CSMD2: variants seen among roughly 807,000 people sequenced by gnomAD.
CSMD2 encodes CUB and sushi domain-containing protein 2.
Under a neutral mutation model 398.5 loss-of-function variants are expected in CSMD2, and 130 were observed. The ratio of observed to expected loss-of-function variants is 0.33; its 90% CI spans 0.28 to 0.38. The LOEUF (loss-of-function observed/expected upper bound fraction) is 0.38. Ranked by LOEUF, CSMD2 falls within the 10% of genes least tolerant of loss-of-function variation. CSMD2 has a pLI of 1.00. For synonymous variants in CSMD2, 1,828 were observed against 1,908.5 expected, an observed-to-expected ratio of 0.96 and a Z score of 1.10; for missense variants, 3,829 against 4,764.9, an observed-to-expected ratio of 0.80 and a Z score of 5.78.
At chr1:33,993,016 T>C (rs1463168151) in intron 3 of CSMD2, among the ~76,000 whole-genome samples, 1 of 152,258 alleles carries the variant, frequency 6.6e-6, no homozygotes, top group Non-Finnish European at 1.5e-5. Flanking sequence ...ACATCTTGTA[T>C]TGTCCCACTT....
At chr1:33,898,856 A>G (rs1173188730) in intron 5 of CSMD2, among the ~76,000 whole-genome samples, 1 of 152,206 alleles carries the variant, frequency 6.6e-6, no homozygotes, top group African/African-American at 2.4e-5. Flanking sequence ...CCTGAAGGAC[A>G]CTTGCCCTCA....
At chr1:33,597,033 A>G (rs1401880023) in intron 44 of CSMD2, among the ~76,000 whole-genome samples, 1 of 151,530 alleles carries the variant, frequency 6.6e-6, no homozygotes, top group African/African-American at 2.4e-5. Context: ...ATTTATTTCT[A>G]TTACTTCTAG....
intron 56 of CSMD2, among the ~76,000 whole-genome samples, chr1:33,547,530 A>T (rs768271946): frequency 1.1e-4 from 16 of 152,220 alleles, no homozygotes; most frequent in Non-Finnish European, 1.5e-4. Context: ...GTACCCCACC[A>T]CTTGCCATTT....
intron 29 of CSMD2, among the ~76,000 whole-genome samples, chr1:33,646,101 A>C (rs1643411186): frequency 6.6e-6 from 1 of 152,220 alleles, no homozygotes; most frequent in Non-Finnish European, 1.5e-5. Context: ...TGGAAGGATG[A>C]GCAAATGTGA....
intron 4 of CSMD2, among the ~76,000 whole-genome samples, chr1:33,919,651 G>T (rs546829260): frequency 6.6e-6 from 1 of 152,312 alleles, no homozygotes; most frequent in South Asian, 2.1e-4. Context: ...GCACTACAAT[G>T]TGAAAAGCTT....
intron 44 of CSMD2, chr1:33,600,341 G>A: frequency 5.1e-6 from 3 of 584,932 alleles, no homozygotes; most frequent in South Asian, 2.3e-5. Flanking sequence ...ATAAAAATGA[G>A]GAAATATCCA....
chr1:33,584,007 T>C (rs1381160201), intron 46 of CSMD2, among the ~76,000 whole-genome samples, 177 bp from the exon 47 acceptor site: 2 of 152,222 alleles, frequency 1.3e-5, no homozygotes, highest in Non-Finnish European at 2.9e-5. Flanking sequence ...GCTTAGATCC[T>C]GTGTCAATAT....
chr1:34,143,755 T>C (rs1182952247), intron 1 of CSMD2, among the ~76,000 whole-genome samples: 1 of 152,224 alleles, frequency 6.6e-6, no homozygotes, highest in Non-Finnish European at 1.5e-5. Context: ...TACTAGTAAC[T>C]GTCTCTGTCA....
rs773427917 is a variant in CSMD2, at chr1:34,032,691, C to T, written c.420G>A (p.Gln140=). Residue 140 remains glutamine, a synonymous_variant, in exon 3 of 71, where the codon CAG becomes CAA. Coordinates refer to ENST00000373381, the MANE Select transcript of CSMD2 (RefSeq NM_001281956.2). ...ENLRTRLTGF[Q]LPATIVSAAT... is the part of the protein sequence containing the mutation. ...CTGCACTAACAATGGTGGCTGGCAG[C>T]TGAAAGCCTGTGAGCCTGAAAGACA... 2.5e-5 allele frequency: 40 copies of T among 1,591,732 alleles called. No individual in the cohort carries two copies. The Middle Eastern group carries it at 2.5e-3, about 99-fold the overall frequency.
intron 5 of CSMD2, among the ~76,000 whole-genome samples, chr1:33,911,371 G>T (rs1262542661): frequency 6.6e-6 from 1 of 152,188 alleles, no homozygotes; most frequent in Non-Finnish European, 1.5e-5. Flanking sequence ...TCTTAAATGA[G>T]ATATCTAGTT....
At chr1:34,089,318 C>A (rs1309361997) in intron 1 of CSMD2, 125 bp from the exon 2 acceptor site, 4 of 868,748 alleles carry the variant, frequency 4.6e-6, no homozygotes, top group Non-Finnish European at 7.3e-6. Context: ...TGAGCCAGCC[C>A]TGTACTTGGC....
At chr1:33,944,621 G>T (rs528577802) in intron 3 of CSMD2, among the ~76,000 whole-genome samples, 1 of 152,336 alleles carries the variant, frequency 6.6e-6, no homozygotes, top group African/African-American at 2.4e-5. Context: ...GCTAGTAGGA[G>T]TAGTGAAAGT....
intron 2 of CSMD2, among the ~76,000 whole-genome samples, chr1:34,087,611 G>GTAT (rs1331585674): frequency 5.3e-5 from 5 of 95,056 alleles, no homozygotes; most frequent in African/African-American, 1.7e-4. Context: ...AGAACTTAAA[G>GTAT]TATAATAATA....
chr1:33,703,151 TAAAC>T (rs1645666472), intron 22 of CSMD2, among the ~76,000 whole-genome samples: 3 of 152,160 alleles, frequency 2.0e-5, no homozygotes, highest in Non-Finnish European at 4.4e-5. Context: ...TCTTTTAACT[TAAAC>T]AAAATTCTCC....
intron 3 of CSMD2, among the ~76,000 whole-genome samples, chr1:33,991,877 A>G (rs1412799983): frequency 6.6e-6 from 1 of 152,324 alleles, no homozygotes; most frequent in East Asian, 1.9e-4. Flanking sequence ...GTCAATAAAA[A>G]AAAAGCAAAT....
chr1:33,729,453 CT>C (rs200820125), intron 15 of CSMD2, among the ~76,000 whole-genome samples: 3,422 of 103,754 alleles, frequency 0.033, 92 homozygotes, highest in African/African-American at 0.1. Flanking sequence ...GGGGAGGATT[CT>C]TTTTTTTTTT....
chr1:33,838,260 T>C (rs896260677), intron 6 of CSMD2, among the ~76,000 whole-genome samples: 1 of 152,216 alleles, frequency 6.6e-6, no homozygotes, highest in Non-Finnish European at 1.5e-5. Flanking sequence ...TGCTCAGCCT[T>C]ATACAATTTC....
chr1:33,718,363 C>T (rs776867826), intron 19 of CSMD2, among the ~76,000 whole-genome samples: 6 of 152,202 alleles, frequency 3.9e-5, no homozygotes, highest in South Asian at 4.1e-4. Flanking sequence ...TGTGTAAGTG[C>T]GTGGCCATGC....
intron 3 of CSMD2, among the ~76,000 whole-genome samples, chr1:33,959,308 T>C (rs1487050988): frequency 9.9e-5 from 15 of 152,154 alleles, no homozygotes; most frequent in Admixed American, 9.2e-4. Context: ...GCAGGGATCG[T>C]GTATGCCTCA....
Sources: allele counts gnomAD v4.1 joint callset (sites outside exome capture counted in the v4.1 genomes callset), GRCh38; gene constraint gnomAD v4.1.1; transcripts MANE v1.5; gene names NCBI Gene and HGNC (gene_info 2026-07-23, HGNC 2026-07-21).